The following SKIC3 variants were observed in gnomAD, a reference collection of about 807,000 sequenced individuals.
SKIC3 encodes the protein SKI3 subunit of superkiller complex, also known as superkiller complex protein 3.
chr5:95,502,753 A>T, the SKIC3 span: 2 of 1,126,948 alleles, frequency 1.8e-6, no homozygotes, highest in Admixed American at 1.8e-5. Flanking sequence ...ATTCAGAACC[A>T]GGTGGGCCCA....
the SKIC3 span, chr5:95,529,156 A>C: frequency 6.8e-7 from 1 of 1,461,810 alleles, no homozygotes; most frequent in Non-Finnish European, 9.6e-7. Context: ...TACATAGATG[A>C]ACAGCACCAA....
the SKIC3 span, chr5:95,540,639 A>C: frequency 6.2e-7 from 1 of 1,606,246 alleles, no homozygotes; most frequent in Non-Finnish European, 8.5e-7. Context: ...TCTAAATTCA[A>C]TTAAATGATC....
At chr5:95,538,025 G>A in the SKIC3 span, among the ~76,000 whole-genome samples, 2 of 152,024 alleles carry the variant, frequency 1.3e-5, no homozygotes, top group Admixed American at 1.3e-4. Context: ...TGAAAAATCT[G>A]TAATACATTT....
chr5:95,529,266 C>T, the SKIC3 span: 23 of 702,456 alleles, frequency 3.3e-5, no homozygotes, highest in Non-Finnish European at 5.4e-5. Flanking sequence ...CCCCACCATA[C>T]ATTTTTCTCC....
At chr5:95,527,956 G>A in the SKIC3 span, 1 of 1,600,598 alleles carries the variant, frequency 6.2e-7, no homozygotes, top group East Asian at 2.2e-5. Flanking sequence ...GAGAATGGTT[G>A]TTGCCTGGTT....
At chr5:95,488,707 T>A in the SKIC3 span, among the ~76,000 whole-genome samples, 1 of 151,900 alleles carries the variant, frequency 6.6e-6, no homozygotes, top group South Asian at 2.1e-4. Flanking sequence ...ACAGACAACA[T>A]TTACCATCAT....
chr5:95,520,209 T>G, the SKIC3 span, among the ~76,000 whole-genome samples: 74 of 152,076 alleles, frequency 4.9e-4, no homozygotes, highest in Non-Finnish European at 7.9e-4. Flanking sequence ...CAAAATTTTC[T>G]GATTCCTTTC....
chr5:95,522,308 C>A, the SKIC3 span: 2 of 1,612,832 alleles, frequency 1.2e-6, no homozygotes, highest in Non-Finnish European at 1.7e-6. Context: ...TGCCTGTAAA[C>A]TAAAATTTAA....
At chr5:95,464,439 G>C in the SKIC3 span, 1 of 579,346 alleles carries the variant, frequency 1.7e-6, no homozygotes, top group Non-Finnish European at 3.0e-6. Context: ...ATCAGGTTTG[G>C]AGTTAACAGA....
the SKIC3 span, among the ~76,000 whole-genome samples, chr5:95,548,257 T>G: frequency 6.6e-6 from 1 of 152,004 alleles, no homozygotes; most frequent in Non-Finnish European, 1.5e-5. Context: ...GGGAGTAAAA[T>G]GTACCAAAAA....
the SKIC3 span, among the ~76,000 whole-genome samples, chr5:95,472,314 A>C: frequency 6.6e-6 from 1 of 152,168 alleles, no homozygotes; most frequent in Non-Finnish European, 1.5e-5. Flanking sequence ...CTTGGGATTA[A>C]TCTACTGTTG....
the SKIC3 span, among the ~76,000 whole-genome samples, chr5:95,544,211 G>C: frequency 2.0e-5 from 3 of 152,014 alleles, no homozygotes; most frequent in Admixed American, 6.6e-5. Flanking sequence ...GGAGCACCAG[G>C]GGGAAAAGGC....
At chr5:95,482,675 A>C in the SKIC3 span, 7 of 1,605,082 alleles carry the variant, frequency 4.4e-6, no homozygotes, top group Non-Finnish European at 6.0e-6. Flanking sequence ...ATAGGTTCTT[A>C]AGTGTTAAAA....
chr5:95,482,776 A>T, the SKIC3 span: 11 of 833,182 alleles, frequency 1.3e-5, no homozygotes, highest in African/African-American at 1.2e-4. Flanking sequence ...AAATAATTAA[A>T]TAAACAAAAC....
the SKIC3 span, among the ~76,000 whole-genome samples, chr5:95,527,186 G>A: frequency 1.3e-5 from 2 of 152,142 alleles, no homozygotes; most frequent in Non-Finnish European, 2.9e-5. Flanking sequence ...GCATGACAAG[G>A]TGTTCTTGGT....
At chr5:95,546,828 A>G in the SKIC3 span, 8 of 525,928 alleles carry the variant, frequency 1.5e-5, no homozygotes, top group Middle Eastern at 5.4e-4. Flanking sequence ...TTTATGGGAT[A>G]TTCAGGTTTT....
chr5:95,526,576 C>T, the SKIC3 span, among the ~76,000 whole-genome samples: 450 of 151,946 alleles, frequency 3.0e-3, no homozygotes, highest in African/African-American at 0.01. Context: ...TGGCTTCAAG[C>T]GATTCTCCTG....
the SKIC3 span, among the ~76,000 whole-genome samples, chr5:95,553,751 G>A: frequency 1.3e-5 from 2 of 152,090 alleles, no homozygotes; most frequent in African/African-American, 4.8e-5. Context: ...TAGAGACGGG[G>A]TTTCACCATG....
the SKIC3 span, among the ~76,000 whole-genome samples, chr5:95,539,136 C>T: frequency 2.0e-5 from 3 of 152,104 alleles, no homozygotes; most frequent in Non-Finnish European, 4.4e-5. Context: ...AACACCTAGT[C>T]TAACATACAA....
Sources: allele counts gnomAD v4.1 joint callset (sites outside exome capture counted in the v4.1 genomes callset), GRCh38; gene constraint gnomAD v4.1.1; transcripts MANE v1.5; gene names NCBI Gene and HGNC (gene_info 2026-07-23, HGNC 2026-07-21).